Variants in PREX1 observed in about 807,000 individuals in gnomAD.
PREX1 encodes the protein phosphatidylinositol 3,4,5-trisphosphate-dependent Rac exchanger 1 protein.
A neutral mutation model predicts 198.3 loss-of-function variants in PREX1; 41 were observed. The ratio of observed to expected loss-of-function variants is 0.21; its 90% CI spans 0.16 to 0.27. The LOEUF (loss-of-function observed/expected upper bound fraction) is 0.27. Ranked by LOEUF, PREX1 falls within the 10% of genes least tolerant of loss-of-function variation. The pLI, the probability that PREX1 is intolerant of heterozygous loss-of-function variation, is 1.00. For missense variants in PREX1, 1,620 were observed against 2,200.7 expected, an observed-to-expected ratio of 0.74 and a Z score of 5.28; for synonymous variants, 843 against 887.2, an observed-to-expected ratio of 0.95 and a Z score of 0.89.
chr20:48,624,498 G>C lies in PREX1; in HGVS notation c.*1387C>G, dbSNP rs902990115. On this transcript the variant is annotated 3_prime_UTR_variant, in exon 40 of 40. Coordinates refer to ENST00000371941, the MANE Select transcript of PREX1 (RefSeq NM_020820.4). ...CGCACCCTGGAGGGCGGGAGGCTCG[G>C]ATGCCAGATGCCGGGAGGGCTTCAA... 1 of 152,524 alleles carries C rather than the reference G, an allele frequency of 6.6e-6. No individual in the cohort carries two copies. Among genetic ancestry groups the C allele is most frequent in the Non-Finnish European group, 1.5e-5 (1 of 68,046 alleles). 9.4% of individuals were successfully genotyped at this position (152,524 alleles called of 1,614,324 possible). A position where few individuals can be genotyped will look rare whatever the true frequency, so the allele number is the denominator to read the frequency against.
At chr20:48,839,141 G>A in the PREX1 span, among the ~76,000 whole-genome samples, 1 of 151,796 alleles carries the variant, frequency 6.6e-6, no homozygotes, top group South Asian at 2.1e-4. Context: ...GGATGTATAT[G>A]GCTTTAATTC....
intron 5 of PREX1, among the ~76,000 whole-genome samples, chr20:48,719,364 AG>A (rs1393058513): frequency 6.6e-6 from 1 of 152,084 alleles, no homozygotes; most frequent in Non-Finnish European, 1.5e-5. Flanking sequence ...CACAGGAAAG[AG>A]CCTAAGCACA....
At chr20:48,649,867 G>A in intron 24 of PREX1, 129 bp downstream of exon 24, 3 of 1,122,802 alleles carry the variant, frequency 2.7e-6, no homozygotes, top group South Asian at 1.3e-5. Flanking sequence ...CCCATAAAGA[G>A]AGAAGGTCAT....
the PREX1 span, among the ~76,000 whole-genome samples, chr20:48,847,748 G>A: frequency 1.3e-5 from 2 of 152,024 alleles, no homozygotes; most frequent in African/African-American, 4.8e-5. Context: ...CCTTCCAATC[G>A]AGATCTAGAA....
At chr20:48,635,672 C>G (rs139801214) in intron 32 of PREX1, among the ~76,000 whole-genome samples, 120 of 152,344 alleles carry the variant, frequency 7.9e-4, no homozygotes, top group African/African-American at 2.8e-3. Context: ...GCAGTGCCCG[C>G]CAAGCTTCCT....
At chr20:48,866,445 T>C in the PREX1 span, among the ~76,000 whole-genome samples, 1 of 152,068 alleles carries the variant, frequency 6.6e-6, no homozygotes, top group African/African-American at 2.4e-5. Context: ...TGGAGCAGAA[T>C]GTGTGTTAAC....
At chr20:48,673,968 G>A (rs962660083) in intron 14 of PREX1, among the ~76,000 whole-genome samples, 6 of 152,212 alleles carry the variant, frequency 3.9e-5, no homozygotes, top group African/African-American at 1.4e-4. Flanking sequence ...GCCCGGACAG[G>A]CTGAGCAACT....
intron 4 of PREX1, among the ~76,000 whole-genome samples, chr20:48,729,308 C>G (rs939842601): frequency 1.3e-5 from 2 of 152,084 alleles, no homozygotes; most frequent in Non-Finnish European, 2.9e-5. Flanking sequence ...AACTCCTGAC[C>G]TCAGGTGATC....
intron 5 of PREX1, among the ~76,000 whole-genome samples, chr20:48,714,528 T>C (rs2089953104): frequency 6.6e-6 from 1 of 152,166 alleles, no homozygotes; most frequent in Non-Finnish European, 1.5e-5. Flanking sequence ...TTCAACATCA[T>C]GTGGGAAAAT....
intron 1 of PREX1, among the ~76,000 whole-genome samples, chr20:48,769,078 G>A (rs1342373957): frequency 6.6e-6 from 1 of 152,196 alleles, no homozygotes; most frequent in East Asian, 1.9e-4. Flanking sequence ...TTCAGGCAGA[G>A]CCAGACCCCA....
chr20:48,829,016 G>T (rs1758983398), upstream of PREX1, among the ~76,000 whole-genome samples: 1 of 152,212 alleles, frequency 6.6e-6, no homozygotes. Flanking sequence ...CTTGCTTCAA[G>T]ATCCTCAGTG....
At chr20:48,628,027 G>T in intron 37 of PREX1, 64 bp from the exon 38 acceptor site, 1 of 996,600 alleles carries the variant, frequency 1.0e-6, no homozygotes, top group South Asian at 1.4e-5. Flanking sequence ...GGAGGACAGC[G>T]GGAGTCAGAG....
chr20:48,726,425 C>T (rs1239268868), intron 4 of PREX1, 34 bp from the exon 5 acceptor site: 8 of 1,518,718 alleles, frequency 5.3e-6, no homozygotes, highest in Middle Eastern at 1.7e-4. Context: ...ATGAAACCCA[C>T]CAAGGATAGC....
chr20:48,807,774 G>C (rs145276511), intron 1 of PREX1, among the ~76,000 whole-genome samples: 1 of 152,120 alleles, frequency 6.6e-6, no homozygotes. Context: ...TACGTGTGAC[G>C]ACAGTAAGGG....
chr20:48,734,415 T>G lies in PREX1; in HGVS notation c.519+131A>C, dbSNP rs992003691. The G allele has an allele frequency of 1.2e-5, 10 of 817,226 alleles. No individual in the cohort carries two copies. The African/African-American group carries it at 1.7e-4, about 14-fold the overall frequency. The allele number at this position is 817,226 out of a possible 1,614,324, so 50.6% of individuals were successfully genotyped here. The stretch of plus-strand genomic sequence containing the variant: ...ATGGAAAAGGCTTGGCGATCCCTGC[T>G]TTAGGCAGGAGATTACCCCAGCCAA... On this transcript the variant is annotated intron_variant, in intron 4 of 39. Transcript: ENST00000371941.
At chr20:48,861,678 T>A in the PREX1 span, among the ~76,000 whole-genome samples, 16 of 152,262 alleles carry the variant, frequency 1.1e-4, no homozygotes, top group African/African-American at 3.9e-4. Context: ...TTAGGGGTTT[T>A]CCATCATGGG....
At chr20:48,799,544 T>A (rs2090377014) in intron 1 of PREX1, among the ~76,000 whole-genome samples, 1 of 152,168 alleles carries the variant, frequency 6.6e-6, no homozygotes. Context: ...TGGTTCAAAC[T>A]TAAGTATTTC....
intron 1 of PREX1, among the ~76,000 whole-genome samples, chr20:48,814,998 T>C (rs1219973067): frequency 6.6e-6 from 1 of 152,076 alleles, no homozygotes; most frequent in Admixed American, 6.6e-5. Flanking sequence ...TATAGCAATA[T>C]CAGACAAAAT....
At chr20:48,801,138 A>G (rs920827712) in intron 1 of PREX1, among the ~76,000 whole-genome samples, 1 of 152,210 alleles carries the variant, frequency 6.6e-6, no homozygotes, top group African/African-American at 2.4e-5. Context: ...AGCTTAAGAC[A>G]TGGTCTAGCT....
Sources: gnomAD v4.1 joint callset for allele counts (sites outside exome capture counted in the v4.1 genomes callset) on GRCh38, gnomAD v4.1.1 for gene constraint, MANE v1.5 for transcripts, NCBI Gene and HGNC (gene_info 2026-07-23, HGNC 2026-07-21) for gene names.